LRCH2: variants seen among roughly 807,000 people sequenced by gnomAD.
LRCH2 encodes the protein leucine rich repeats and calponin homology domain containing 2, also known as leucine-rich repeat and calponin homology domain-containing protein 2.
In LRCH2, 38 loss-of-function variants were observed where a neutral mutation model predicts 68.9. The observed-to-expected ratio is 0.55, with a 90% confidence interval of 0.43 to 0.72. The LOEUF is 0.72. Among genes scored for constraint, LRCH2 ranks in the 30% least tolerant of loss-of-function variants. The pLI, the probability that LRCH2 is intolerant of heterozygous loss-of-function variation, is 0.00. For synonymous variants in LRCH2, 191 were observed against 208.1 expected, an observed-to-expected ratio of 0.92 and a Z score of 0.71; for missense variants, 528 against 572.9, an observed-to-expected ratio of 0.92 and a Z score of 0.80.
Position 115,123,138 on chromosome X carries a change from A to G in LRCH2, c.1904T>C (p.Met635Thr). 1 of 1,210,522 alleles carries G rather than the reference A, an allele frequency of 8.3e-7. No homozygotes were observed. The highest frequency in any genetic ancestry group is 1.1e-6 in the Non-Finnish European group (1 of 894,995). Residue 635 changes from methionine to threonine, a missense_variant, in exon 18 of 21, where the codon ATG (methionine) becomes ACG (threonine). Physicochemically the swap from Met to Thr is moderately conservative, Grantham distance 81. Transcript: ENST00000317135. The part of the protein sequence containing the change: ...EYGAADPGFT[M>T]RRKMEHLREE... ...CCGTAAATGTTCCATCTTTCTTCTC[A>G]TTGTAAATCCTGGATCTGCTGCCCC...
At chrX:115,218,097 A>G (rs1050140996) in intron 1 of LRCH2, among the ~76,000 whole-genome samples, 2 of 111,334 alleles carry the variant, frequency 1.8e-5, no homozygotes, top group Admixed American at 9.6e-5. Context: ...AGATTGGACC[A>G]CTGCACTCCA....
At chrX:115,157,111 A>C (rs782662706) in intron 11 of LRCH2, among the ~76,000 whole-genome samples, 1 of 111,611 alleles carries the variant, frequency 9.0e-6, no homozygotes, top group Admixed American at 9.6e-5. Context: ...CTTTAAAAAA[A>C]CACAAGTTTC....
intron 15 of LRCH2, among the ~76,000 whole-genome samples, chrX:115,127,311 A>C (rs1362265088): frequency 3.6e-5 from 4 of 112,266 alleles, no homozygotes; most frequent in Non-Finnish European, 7.5e-5. Context: ...GCTTATTGAT[A>C]ATTACAAAGA....
intron 7 of LRCH2, 139 bp downstream of exon 7, chrX:115,166,116 G>A (rs2147389511): frequency 1.6e-6 from 1 of 633,588 alleles, no homozygotes; most frequent in East Asian, 3.6e-5. Flanking sequence ...AAATCAGCAT[G>A]CCCTTTTTTT....
intron 1 of LRCH2, among the ~76,000 whole-genome samples, chrX:115,214,533 C>A (rs1332874644): frequency 3.1e-4 from 35 of 111,770 alleles, no homozygotes; most frequent in Non-Finnish European, 1.1e-4. Flanking sequence ...CTAAGCTACT[C>A]CATGATGAAT....
chrX:115,158,953 T>C (rs1328402964), intron 11 of LRCH2, among the ~76,000 whole-genome samples: 1 of 111,928 alleles, frequency 8.9e-6, no homozygotes, highest in Non-Finnish European at 1.9e-5. Context: ...TCATGGAAAT[T>C]TGTAAAACTG....
At position 115,170,200 on chromosome X, in the gene LRCH2, T is replaced by C. The variant is rs183767980; in HGVS notation, c.998+99A>G. The C allele has an allele frequency of 5.7e-4, 470 of 821,113 alleles. No homozygotes were observed. In the African/African-American group the frequency reaches 8.9e-3, roughly 16 times the overall value. 67.7% of individuals were successfully genotyped at this position (821,113 alleles called of 1,213,427 possible). ...ATTATTTATTTTAGTGCTGGACCAA[T>C]CAGCCTAAATATATTCGGAACACTC... On this transcript the variant is annotated intron_variant, in intron 6 of 20. Coordinates refer to ENST00000317135, the MANE Select transcript of LRCH2 (RefSeq NM_020871.4).
chrX:115,220,086 G>A (rs1384269753), intron 1 of LRCH2, among the ~76,000 whole-genome samples: 1 of 112,004 alleles, frequency 8.9e-6, no homozygotes, highest in Admixed American at 9.5e-5. Flanking sequence ...AAACACTGTC[G>A]AGAATTTATA....
Position 115,233,924 on chromosome X carries a change from C to T in LRCH2, c.118G>A (p.Gly40Ser). 1 of 1,163,124 alleles carries T rather than the reference C, an allele frequency of 8.6e-7. No individual in the cohort carries two copies. Residue 40 changes from glycine (G) to serine (S), a missense_variant, in exon 1 of 21, where the codon GGC becomes AGC. By Grantham distance (56) the Gly-to-Ser change is moderately conservative (BLOSUM62 0). Transcript: ENST00000317135. ...ACCACCAGGGTCCCGCCGCCGCCGCCGCCTCCCCCTCCAGCCCCGCCACCT... is the reference window on the plus strand; with the variant it reads ...ACCACCAGGGTCCCGCCGCCGCCGCTGCCTCCCCCTCCAGCCCCGCCACCT... ...GGGGGAGGGG[G>S]GGGGTLVVPI...
chrX:115,126,107 A>G (rs1029879046), intron 16 of LRCH2, among the ~76,000 whole-genome samples: 6 of 111,832 alleles, frequency 5.4e-5, no homozygotes, highest in South Asian at 3.7e-4. Flanking sequence ...AATTCATCAA[A>G]TGAATGTGTA....
Position 115,192,377 on chromosome X carries a change from G to C in LRCH2, c.350-4007C>G, listed in dbSNP as rs782703250. 32 of 1,159,234 alleles carry C rather than the reference G, an allele frequency of 2.8e-5. No homozygotes were observed. In the Middle Eastern group the frequency reaches 1.2e-3, roughly 42 times the overall value. ...TACGGCCTGAGCGACCGCTACGGAGGAGGAGGCCACTACGAGGAGTACCAG... is the reference window on the plus strand; with the variant it reads ...TACGGCCTGAGCGACCGCTACGGAGCAGGAGGCCACTACGAGGAGTACCAG... On this transcript the variant is annotated intron_variant, in intron 1 of 20. Coordinates refer to ENST00000317135, the MANE Select transcript of LRCH2 (RefSeq NM_020871.4).
chrX:115,154,448 AT>A (rs1160487572), intron 12 of LRCH2, among the ~76,000 whole-genome samples: 9 of 111,353 alleles, frequency 8.1e-5, no homozygotes, highest in Admixed American at 1.9e-4. Context: ...CACAGAATAC[AT>A]TTTTTTCCAA....
At chrX:115,224,512 GTC>G (rs2073105877) in intron 1 of LRCH2, among the ~76,000 whole-genome samples, 1 of 109,236 alleles carries the variant, frequency 9.2e-6, no homozygotes, top group South Asian at 4.0e-4. Context: ...ATGAAACCCT[GTC>G]TCTACAAAAA....
At chrX:115,193,283 G>T (rs1392975903) in intron 1 of LRCH2, among the ~76,000 whole-genome samples, 2 of 111,831 alleles carry the variant, frequency 1.8e-5, no homozygotes, top group Non-Finnish European at 3.8e-5. Context: ...TTTACATACC[G>T]ATGAATTGCA....
chrX:115,154,107 T>C (rs1259110449), intron 12 of LRCH2, among the ~76,000 whole-genome samples: 2 of 111,310 alleles, frequency 1.8e-5, no homozygotes, highest in Non-Finnish European at 3.8e-5. Context: ...GGACTGACAA[T>C]ATTAATATCA....
chrX:115,142,187 A>G (rs1336956737), intron 14 of LRCH2, among the ~76,000 whole-genome samples: 1 of 112,110 alleles, frequency 8.9e-6, no homozygotes, highest in Non-Finnish European at 1.9e-5. Flanking sequence ...TTGGAGCTCA[A>G]GAGAGATAGA....
In LRCH2 at chrX:115,179,301, C is replaced by T. The variant is rs1396823747; in HGVS notation, c.864+126G>A. On this transcript the variant is annotated intron_variant, in intron 5 of 20. Transcript: ENST00000317135. ...GTGCAAAAGGCAATGCTCAGAAAAA[C>T]TTTAGACAACAGTGCTTGAACAACA... The T allele has an allele frequency of 1.1e-5, 6 of 537,330 alleles. No individual in the cohort carries two copies. The African/African-American group carries it at 1.5e-4, about 13-fold the overall frequency. 44.3% of individuals were successfully genotyped at this position (537,330 alleles called of 1,213,427 possible).
intron 6 of LRCH2, 142 bp downstream of exon 6, chrX:115,170,157 G>A: frequency 2.1e-6 from 1 of 468,814 alleles, no homozygotes; most frequent in South Asian, 1.1e-4. Context: ...CTATGATGGT[G>A]ATATGTAGCT....
intron 1 of LRCH2, among the ~76,000 whole-genome samples, chrX:115,210,103 G>A (rs2072996078): frequency 8.9e-6 from 1 of 112,143 alleles, no homozygotes; most frequent in Non-Finnish European, 1.9e-5. Context: ...CATTTTCTGA[G>A]GAGAAATACA....
Sources: allele counts gnomAD v4.1 joint callset (sites outside exome capture counted in the v4.1 genomes callset), GRCh38; gene constraint gnomAD v4.1.1; transcripts MANE v1.5; gene names NCBI Gene and HGNC (gene_info 2026-07-23, HGNC 2026-07-21).